ASPH: variants seen among roughly 807,000 people sequenced by gnomAD.
ASPH encodes aspartate beta-hydroxylase.
A neutral mutation model predicts 118.4 loss-of-function variants in ASPH; 100 were observed. The observed-to-expected ratio is 0.84, with a 90% confidence interval of 0.72 to 1.00. The LOEUF is 1.00. ASPH is among the 50% of genes least tolerant of loss of function. The pLI is 0.00. For missense variants in ASPH, 920 were observed against 919.5 expected, an observed-to-expected ratio of 1.00 and a Z score of -0.01; for synonymous variants, 315 against 325.6, an observed-to-expected ratio of 0.97 and a Z score of 0.35.
chr8:61,525,734 GA>G (rs5891808), intron 22 of ASPH, among the ~76,000 whole-genome samples: 4,368 of 152,246 alleles, frequency 0.029, 88 homozygotes, highest in Non-Finnish European at 0.049. Flanking sequence ...CACTATTCAT[GA>G]ATATTTATCC....
intron 3 of ASPH, chr8:61,676,222 G>C (rs1322037556): frequency 1.9e-6 from 3 of 1,597,670 alleles, no homozygotes; most frequent in South Asian, 1.1e-5. Context: ...AGAGAAATGA[G>C]AGGAAACCAT....
intron 24 of ASPH, among the ~76,000 whole-genome samples, chr8:61,506,257 G>GACT (rs1387847186): frequency 3.3e-5 from 5 of 152,222 alleles, no homozygotes; most frequent in Non-Finnish European, 1.5e-5. Context: ...CTACACATCT[G>GACT]AGGTCCTAGA....
Position 61,518,081 on chromosome 8 carries a change from C to CAGTTTTTCTAGTA in ASPH, c.1942_1943insTACTAGAAAAACT (p.Cys648LeufsTer77). 1.2e-6 allele frequency: 2 copies of CAGTTTTTCTAGTA among 1,613,942 alleles called. No homozygotes were observed. Among genetic ancestry groups the CAGTTTTTCTAGTA allele is most frequent in the Non-Finnish European group, 1.7e-6 (2 of 1,179,912 alleles). On this transcript the variant is annotated frameshift_variant, in exon 23 of 25. Transcript: ENST00000379454. LOFTEE classifies it high-confidence loss of function. ...CTCGGGGAACTTTTCTAGTAAGGTACAGGTTTTAGGAGCTCCTTTGCAGGC... is the reference window on the plus strand; with the variant it reads ...CTCGGGGAACTTTTCTAGTAAGGTACAGTTTTTCTAGTAAGGTTTTAGGAGCTCCTTTGCAGGC...
chr8:61,644,698 A>G (rs1027478935), intron 6 of ASPH, 66 bp from the exon 7 acceptor site: 14 of 1,209,504 alleles, frequency 1.2e-5, no homozygotes, highest in East Asian at 2.6e-5. Flanking sequence ...TATCCCGTAT[A>G]TGTACTCTGA....
In ASPH at chr8:61,620,766, T is replaced by C. The variant is rs201761120; in HGVS notation, c.935-1747A>G. Among the ~76,000 whole-genome samples the C allele has an allele frequency of 1.4e-4, 21 of 152,302 alleles. No homozygotes were observed. In the East Asian group the frequency reaches 2.7e-3, roughly 20 times the overall value. ...CACTGCAACCCTCCACATCCCCCAG[T>C]CATTGCATAAGGCTAATGTGATTAG... is the stretch of plus-strand genomic sequence containing the variant. On this transcript the variant is annotated intron_variant, in intron 13 of 24. Coordinates refer to ENST00000379454, the MANE Select transcript of ASPH (RefSeq NM_004318.4).
chr8:61,517,692 C>T, intron 23 of ASPH, 31 bp from the exon 24 acceptor site: 1 of 1,603,066 alleles, frequency 6.2e-7, no homozygotes, highest in Non-Finnish European at 8.5e-7. Flanking sequence ...TCCATTCAGC[C>T]ATTTATCAAG....
chr8:61,677,414 T>C (rs1305659493), intron 3 of ASPH, among the ~76,000 whole-genome samples: 1 of 152,056 alleles, frequency 6.6e-6, no homozygotes, highest in Non-Finnish European at 1.5e-5. Flanking sequence ...CCACTGAGCT[T>C]TTCTGGTTGG....
At chr8:61,561,120 G>A (rs1190417794) in intron 18 of ASPH, among the ~76,000 whole-genome samples, 1,279 of 39,064 alleles carry the variant, frequency 0.033, 19 homozygotes, top group Non-Finnish European at 0.055. Flanking sequence ...GGGAGGGAGG[G>A]AGGGAGGGAG....
intron 17 of ASPH, 122 bp from the exon 18 acceptor site, chr8:61,563,002 T>C (rs755937345): frequency 2.0e-5 from 20 of 982,338 alleles, no homozygotes; most frequent in Non-Finnish European, 2.6e-5. Context: ...AATCTGGCTT[T>C]ATTAGTGGTT....
At position 61,536,037 on chromosome 8, in the gene ASPH, CT is replaced by C. The variant is rs34022613; in HGVS notation, c.1765-9926del. ...TATACAGATAAAAGAAAACAGGTGA[CT>C]TTTTTTTTTTTTTTTTTTGAGACAA... On this transcript the variant is annotated intron_variant, in intron 21 of 24. Coordinates refer to ENST00000379454, the MANE Select transcript of ASPH (RefSeq NM_004318.4). Among the ~76,000 whole-genome samples the C allele has an allele frequency of 1.4e-3, 175 of 128,398 alleles. 1 individual carries two copies. The Middle Eastern group carries it at 0.022, about 16-fold the overall frequency. 84.2% of individuals were successfully genotyped at this position (128,398 alleles called of 152,430 possible).
intron 1 of ASPH, chr8:61,684,631 A>G (rs2151685863): frequency 6.5e-6 from 1 of 154,610 alleles, no homozygotes; most frequent in South Asian, 2.0e-4. Context: ...AAACCATTCC[A>G]TATTCTTAGC....
intron 21 of ASPH, 79 bp from the exon 22 acceptor site, chr8:61,526,191 G>A: frequency 6.4e-7 from 1 of 1,553,864 alleles, no homozygotes; most frequent in Non-Finnish European, 8.7e-7. Flanking sequence ...TTTTTTTTGA[G>A]GTTCGTCTCA....
chr8:61,712,648 G>C (rs1838322171), intron 1 of ASPH, among the ~76,000 whole-genome samples: 2 of 152,226 alleles, frequency 1.3e-5, no homozygotes, highest in Admixed American at 1.3e-4. Context: ...AAAGTCAGGA[G>C]AAGTTAATTT....
At chr8:61,592,024 C>T (rs184323785) in intron 14 of ASPH, among the ~76,000 whole-genome samples, 40 of 152,304 alleles carry the variant, frequency 2.6e-4, no homozygotes, top group African/African-American at 8.4e-4. Context: ...TTAGACATTA[C>T]ACAGACACAT....
chr8:61,644,517 A>C, intron 7 of ASPH, 83 bp downstream of exon 7: 2 of 911,880 alleles, frequency 2.2e-6, no homozygotes, highest in South Asian at 5.7e-5. Flanking sequence ...ATATATCATT[A>C]ATAATAGATA....
intron 18 of ASPH, among the ~76,000 whole-genome samples, chr8:61,561,973 A>G (rs1830104119): frequency 1.3e-5 from 2 of 152,220 alleles, no homozygotes; most frequent in South Asian, 4.1e-4. Flanking sequence ...AAATCATACT[A>G]TCACTGAGTG....
chr8:61,562,952 G>A (rs1830506424), intron 17 of ASPH, 72 bp from the exon 18 acceptor site: 6 of 1,424,154 alleles, frequency 4.2e-6, no homozygotes, highest in Admixed American at 5.2e-5. Context: ...GAGAATGTAA[G>A]TCATGAGAGA....
Position 61,567,033 on chromosome 8 carries a change from A to G in ASPH, c.1300+135T>C. The G allele has an allele frequency of 2.8e-6, 3 of 1,087,288 alleles. No individual in the cohort carries two copies. The South Asian group carries it at 4.9e-5, about 18-fold the overall frequency. The allele number at this position is 1,087,288 out of a possible 1,614,324, so 67.4% of individuals were successfully genotyped here. On this transcript the variant is annotated intron_variant, in intron 17 of 24. Transcript: ENST00000379454. Reference sequence around the variant, plus strand: ...TTTAGAGATGGTGAGCCTAGGACAGACACATTACTTGAAATCAGTTGTAAA... The same window carrying G: ...TTTAGAGATGGTGAGCCTAGGACAGGCACATTACTTGAAATCAGTTGTAAA...
intron 17 of ASPH, among the ~76,000 whole-genome samples, chr8:61,566,288 A>G (rs1587274281): frequency 6.6e-6 from 1 of 152,224 alleles, no homozygotes; most frequent in Non-Finnish European, 1.5e-5. Flanking sequence ...GTAACTACAG[A>G]TGTGGAAATA....
Sources: allele counts gnomAD v4.1 joint callset (sites outside exome capture counted in the v4.1 genomes callset), GRCh38; gene constraint gnomAD v4.1.1; transcripts MANE v1.5; gene names NCBI Gene and HGNC (gene_info 2026-07-23, HGNC 2026-07-21).